The following CA7 variants were observed in gnomAD, a reference collection of about 807,000 sequenced individuals.
CA7 encodes carbonic anhydrase 7.
In CA7, 13 loss-of-function variants were observed where a neutral mutation model predicts 31.4. The observed-to-expected ratio is 0.41, with a 90% CI of 0.27 to 0.66. The LOEUF (loss-of-function observed/expected upper bound fraction) is 0.66. CA7 is among the 30% of genes least tolerant of loss of function. CA7 has a pLI of 0.28. For missense variants in CA7, 215 were observed against 351.0 expected, an observed-to-expected ratio of 0.61 and a Z score of 3.10; for synonymous variants, 128 against 133.2, an observed-to-expected ratio of 0.96 and a Z score of 0.27.
intron 1 of CA7, among the ~76,000 whole-genome samples, chr16:66,845,575 T>G (rs772544742): frequency 2.4e-4 from 36 of 151,966 alleles, no homozygotes; most frequent in Non-Finnish European, 5.0e-4. Context: ...AACCCCCAGA[T>G]CTGGGTATGC....
chr16:66,848,576 C>T lies in CA7; in HGVS notation c.238+1349C>T, dbSNP rs920144647. Among the ~76,000 whole-genome samples the T allele has an allele frequency of 2.1e-4, 32 of 151,684 alleles. 2 individuals are homozygous for T. The highest frequency in any genetic ancestry group is 6.6e-5 in the Admixed American group (1 of 15,246). On this transcript the variant is annotated intron_variant, in intron 2 of 6. Coordinates refer to ENST00000338437, the MANE Select transcript of CA7 (RefSeq NM_005182.3). ...CACCCAGAATGCCCAGGCCGGAGGGCGCAGGAAGCCAGTGAAAAGAGGAAT... is the reference window on the plus strand; with the variant it reads ...CACCCAGAATGCCCAGGCCGGAGGGTGCAGGAAGCCAGTGAAAAGAGGAAT...
intron 1 of CA7, among the ~76,000 whole-genome samples, chr16:66,846,209 G>T (rs1310130579): frequency 1.3e-5 from 2 of 151,780 alleles, no homozygotes; most frequent in African/African-American, 4.8e-5. Context: ...GTGTGCATGG[G>T]CATGTGTTTT....
intron 1 of CA7, among the ~76,000 whole-genome samples, chr16:66,846,155 G>A (rs1960924164): frequency 6.6e-6 from 1 of 151,080 alleles, no homozygotes; most frequent in African/African-American, 2.5e-5. Flanking sequence ...GGTGGTGGGC[G>A]CCTGTGGGTG....
Position 66,853,699 on chromosome 16 carries a change from G to A in CA7, c.*201G>A, listed in dbSNP as rs1018374219. 2 of 638,702 alleles carry A rather than the reference G, an allele frequency of 3.1e-6. No individual in the cohort carries two copies. The highest frequency in any genetic ancestry group is 1.8e-5 in the African/African-American group (1 of 54,686). 39.6% of individuals were successfully genotyped at this position (638,702 alleles called of 1,614,324 possible). A position where few individuals can be genotyped will look rare whatever the true frequency, so the allele number is the denominator to read the frequency against. On this transcript the variant is annotated 3_prime_UTR_variant, in exon 7 of 7. Transcript: ENST00000338437. This position sits in a 1 kb window ranked among gnomAD's most constrained non-coding sequence, Gnocchi z 4.5. The stretch of plus-strand genomic sequence containing the variant: ...CCTTCAGCTGCCCTGGGGACAGGAA[G>A]GACAGGAGCTAAGCAGGGTCCAAGC...
intron 3 of CA7, 128 bp from the exon 4 acceptor site, chr16:66,851,335 C>T (rs1597063100): frequency 3.6e-6 from 3 of 831,442 alleles, no homozygotes; most frequent in Non-Finnish European, 4.1e-6. Context: ...GCATCCTAAT[C>T]CTTGGAGGCT....
In CA7 at chr16:66,853,587, C is replaced by A. The variant is rs1961112877; in HGVS notation, c.*89C>A. On this transcript the variant is annotated 3_prime_UTR_variant, in exon 7 of 7. Transcript: ENST00000338437. This position sits in a 1 kb window ranked among gnomAD's most constrained non-coding sequence, Gnocchi z 4.5. ...CACCAAACCATCTGAGGCTTCCTCC[C>A]TGGGGGGTGCTGGGGACCCTCCTTC... The A allele has an allele frequency of 2.0e-6, 3 of 1,521,630 alleles. No homozygotes were observed. Among genetic ancestry groups the A allele is most frequent in the African/African-American group, 2.7e-5 (2 of 72,880 alleles). The allele number at this position is 1,521,630 out of a possible 1,614,324, so 94.3% of individuals were successfully genotyped here.
intron 2 of CA7, 36 bp downstream of exon 2, chr16:66,847,263 C>T: frequency 1.3e-6 from 2 of 1,598,256 alleles, no homozygotes; most frequent in Non-Finnish European, 8.6e-7. Context: ...CACCTGGCCC[C>T]TGGCCCCTTA....
intron 5 of CA7, 146 bp from the exon 6 acceptor site, chr16:66,852,566 G>GA: frequency 2.0e-6 from 1 of 503,886 alleles, no homozygotes; most frequent in Non-Finnish European, 3.0e-6. Context: ...AAGAAAGAAA[G>GA]AAAAAGAAAG....
In CA7 at chr16:66,853,012, T is replaced by C. The variant is rs911212296; in HGVS notation, c.672+145T>C. Reference sequence around the variant, plus strand: ...TTTTACTAATAAATGTATAGATTCTTGGTTGGGAGTTAGCTTGATTGTTAA... The same window carrying C: ...TTTTACTAATAAATGTATAGATTCTCGGTTGGGAGTTAGCTTGATTGTTAA... On this transcript the variant is annotated intron_variant, in intron 6 of 6. Coordinates refer to ENST00000338437, the MANE Select transcript of CA7 (RefSeq NM_005182.3). This position sits in a 1 kb window ranked among gnomAD's most constrained non-coding sequence, Gnocchi z 4.5. 24 of 768,856 alleles carry C rather than the reference T, an allele frequency of 3.1e-5. No homozygotes were observed. The highest frequency in any genetic ancestry group is 4.6e-5 in the Non-Finnish European group (23 of 501,120). 47.6% of individuals were successfully genotyped at this position (768,856 alleles called of 1,614,324 possible).
chr16:66,852,140 A>C (rs1025722668), intron 5 of CA7, among the ~76,000 whole-genome samples: 1 of 152,150 alleles, frequency 6.6e-6, no homozygotes, highest in African/African-American at 2.4e-5. Flanking sequence ...ATCAGTGGAC[A>C]CAGAGAGGCC....
chr16:66,851,670 G>A lies in CA7; in HGVS notation c.460G>A (p.Asp154Asn). ...ACTGCCCTCTCCCTGACAGACAGGA[G>A]ACGAGCACCCCAGCATGAATCGTCT... ...AVVGVFLETGDEHPSMNRLTD... is the reference protein window; with the variant it reads ...AVVGVFLETGNEHPSMNRLTD... Residue 154 changes from aspartate to asparagine, a missense_variant, in exon 5 of 7, where the codon GAC (aspartate) becomes AAC (asparagine). By Grantham distance (23) the Asp-to-Asn change is conservative. Coordinates refer to ENST00000338437, the MANE Select transcript of CA7 (RefSeq NM_005182.3). 6.2e-7 allele frequency: 1 copy of A among 1,614,182 alleles called. No homozygotes were observed. The highest frequency in any genetic ancestry group is 1.1e-5 in the South Asian group (1 of 91,084).
chr16:66,851,588 G>T, intron 4 of CA7, 30 bp downstream of exon 4: 4 of 1,612,914 alleles, frequency 2.5e-6, no homozygotes, highest in African/African-American at 1.3e-5. Flanking sequence ...GGCCTGGAGG[G>T]GCATGGGAGG....
rs747410244 is a variant in CA7 at position 66,853,349 on chromosome 16, C to T, written c.673-27C>T. The T allele has an allele frequency of 6.2e-7, 1 of 1,613,886 alleles. No individual in the cohort carries two copies. The highest frequency in any genetic ancestry group is 8.5e-7 in the Non-Finnish European group (1 of 1,179,866). ...GAGGACCACAGCACCCCCAATCTGCCCTGAGCATTCCTTCTGCTTCCTCAA... is the reference window on the plus strand; with the variant it reads ...GAGGACCACAGCACCCCCAATCTGCTCTGAGCATTCCTTCTGCTTCCTCAA... On this transcript the variant is annotated intron_variant, in intron 6 of 6. Coordinates refer to ENST00000338437, the MANE Select transcript of CA7 (RefSeq NM_005182.3). The surrounding 1 kb of genome is among the most constrained non-coding windows in gnomAD (Gnocchi z 4.5).
At chr16:66,851,322 C>T (rs1961043303) in intron 3 of CA7, 141 bp from the exon 4 acceptor site, 3 of 774,530 alleles carry the variant, frequency 3.9e-6, no homozygotes, top group Non-Finnish European at 6.7e-6. Context: ...CCTGGACCCC[C>T]CAGCATCCTA....
chr16:66,846,885 G>A (rs1960939401), intron 1 of CA7, 145 bp from the exon 2 acceptor site: 1 of 655,180 alleles, frequency 1.5e-6, no homozygotes, highest in South Asian at 1.9e-5. Context: ...GGCAAAGCTG[G>A]GATTGGAACT....
Position 66,850,650 on chromosome 16 carries a change from C to T in CA7, c.348C>T (p.Phe116=), listed in dbSNP as rs913620912. The T allele has an allele frequency of 3.7e-6, 6 of 1,609,014 alleles. No homozygotes were observed. The highest frequency in any genetic ancestry group is 3.3e-5 in the Admixed American group (2 of 59,990). ...AGCACACGGTGGACGGCAAGTCCTT[C>T]CCCAGCGAGGTACGGGCCCTCCTCC... ...GSEHTVDGKS[F]PSELHLVHWN... is the part of the protein sequence containing the mutation. The change falls in exon 3 of 7, where the codon TTC becomes TTT. Residue 116 remains phenylalanine, a synonymous_variant. Transcript: ENST00000338437.
intron 2 of CA7, among the ~76,000 whole-genome samples, chr16:66,850,282 A>G (rs576545062): frequency 6.6e-6 from 1 of 152,228 alleles, no homozygotes; most frequent in East Asian, 1.9e-4. Flanking sequence ...TCTACAAAAA[A>G]TAAACAAATT....
intron 2 of CA7, among the ~76,000 whole-genome samples, chr16:66,848,147 C>CT (rs1222278173): frequency 6.6e-6 from 1 of 152,094 alleles, no homozygotes; most frequent in Non-Finnish European, 1.5e-5. Flanking sequence ...GAAGCCAGAC[C>CT]TTTCATGAGA....
chr16:66,848,889 G>T (rs1161242086), intron 2 of CA7, among the ~76,000 whole-genome samples: 1 of 152,154 alleles, frequency 6.6e-6, no homozygotes, highest in East Asian at 1.9e-4. Context: ...CTGCTTCCAG[G>T]GATGGGGCAG....
Sources: allele counts gnomAD v4.1 joint callset (sites outside exome capture counted in the v4.1 genomes callset), GRCh38; gene constraint gnomAD v4.1.1; non-coding constraint Gnocchi (gnomAD v3.1); transcripts MANE v1.5; gene names NCBI Gene and HGNC (gene_info 2026-07-23, HGNC 2026-07-21).